DMD: variants seen among roughly 807,000 people sequenced by gnomAD.
DMD encodes the protein dystrophin.
In DMD, 63 loss-of-function variants were observed where a neutral mutation model predicts 330.1. The observed-to-expected ratio is 0.19, with a 90% CI of 0.16 to 0.24. The LOEUF is 0.24. Ranked by LOEUF, DMD falls within the 10% of genes least tolerant of loss-of-function variation. The pLI is 1.00. For synonymous variants in DMD, 1,223 were observed against 959.8 expected (o/e 1.27, Z -5.07); for missense variants, 3,344 against 2,684.1 (o/e 1.25, Z -5.43).
chrX:31,552,096 C>A (rs987025216), intron 55 of DMD, among the ~76,000 whole-genome samples: 5 of 112,311 alleles, frequency 4.5e-5, no homozygotes, highest in African/African-American at 1.6e-4. Context: ...CTGTGAGTTT[C>A]TCAGATTCAA....
chrX:31,571,690 T>C (rs978497197), intron 55 of DMD, among the ~76,000 whole-genome samples: 1 of 111,475 alleles, frequency 9.0e-6, no homozygotes, highest in African/African-American at 3.3e-5. Flanking sequence ...TGTCTGAAAC[T>C]TGGCACTACT....
At chrX:32,787,462 A>G (rs2075481915) in intron 7 of DMD, among the ~76,000 whole-genome samples, 1 of 110,470 alleles carries the variant, frequency 9.1e-6, no homozygotes, top group Non-Finnish European at 1.9e-5. Flanking sequence ...AAGATTTCAA[A>G]TGGGAAATGA....
chrX:32,935,866 A>G (rs1201518082), intron 2 of DMD, among the ~76,000 whole-genome samples: 3 of 111,284 alleles, frequency 2.7e-5, no homozygotes, highest in Non-Finnish European at 3.8e-5. Context: ...TTCCTTTTTC[A>G]TCCTGCCTAT....
chrX:32,793,897 A>C (rs985166407), intron 7 of DMD, among the ~76,000 whole-genome samples: 3 of 111,564 alleles, frequency 2.7e-5, no homozygotes, highest in Non-Finnish European at 5.6e-5. Flanking sequence ...CATTCTATGA[A>C]GCCAGCATTA....
intron 1 of DMD, among the ~76,000 whole-genome samples, chrX:33,240,489 A>G: frequency 8.9e-6 from 1 of 111,767 alleles, no homozygotes; most frequent in Non-Finnish European, 1.9e-5. Flanking sequence ...GGTTGATTCC[A>G]TATCTCAGCA....
At chrX:32,217,128 T>C (rs1043657977) in intron 43 of DMD, 65 bp from the exon 44 acceptor site, 19 of 1,099,728 alleles carry the variant, frequency 1.7e-5, no homozygotes, top group Middle Eastern at 2.8e-4. Context: ...TATAGAGATA[T>C]AGCGTATATT....
At chrX:31,889,216 T>C (rs976085518) in intron 47 of DMD, among the ~76,000 whole-genome samples, 15 of 112,337 alleles carry the variant, frequency 1.3e-4, no homozygotes, top group African/African-American at 2.9e-4. Flanking sequence ...TAAAACCATA[T>C]TGACTTTTCA....
intron 9 of DMD, among the ~76,000 whole-genome samples, chrX:32,647,228 T>C (rs2059839598): frequency 8.9e-6 from 1 of 111,790 alleles, no homozygotes; most frequent in African/African-American, 3.3e-5. Flanking sequence ...AAGTCCTATG[T>C]GCAATGAAGG....
At chrX:32,174,800 A>G (rs1248673468) in intron 44 of DMD, among the ~76,000 whole-genome samples, 3 of 111,093 alleles carry the variant, frequency 2.7e-5, no homozygotes, top group Non-Finnish European at 5.7e-5. Flanking sequence ...AAGCAAGAAC[A>G]GAAGCAGAAG....
intron 13 of DMD, among the ~76,000 whole-genome samples, chrX:32,578,605 G>C (rs909571128): frequency 2.7e-5 from 3 of 111,756 alleles, no homozygotes; most frequent in African/African-American, 9.8e-5. Context: ...GTGAAAAATG[G>C]CTACTAAAAG....
chrX:32,518,159 A>C (rs2046047670), intron 17 of DMD, 28 bp from the exon 18 acceptor site: 1 of 1,181,860 alleles, frequency 8.5e-7, no homozygotes, highest in African/African-American at 1.8e-5. Context: ...AAAAGTCATT[A>C]TTTCTTGATT....
chrX:32,443,828 G>A (rs928205104), intron 27 of DMD, among the ~76,000 whole-genome samples: 2 of 111,503 alleles, frequency 1.8e-5, no homozygotes, highest in African/African-American at 6.5e-5. Context: ...TTGAAGGAAA[G>A]TACAAATAAA....
chrX:32,671,358 T>TAC (rs760162708), intron 9 of DMD, among the ~76,000 whole-genome samples: 10 of 110,911 alleles, frequency 9.0e-5, no homozygotes, highest in Non-Finnish European at 1.3e-4. Context: ...TTTATGTACA[T>TAC]ACACACACAC....
chrX:32,386,527 T>A, intron 32 of DMD, 62 bp from the exon 33 acceptor site: 1 of 1,001,686 alleles, frequency 1.0e-6, no homozygotes, highest in Non-Finnish European at 1.4e-6. Context: ...CATAATATTA[T>A]GAACAGAAAT....
At chrX:31,559,640 C>CAAAAAAAAAAAAAAAAAA (rs1167550498) in intron 55 of DMD, among the ~76,000 whole-genome samples, 1 of 21,638 alleles carries the variant, frequency 4.6e-5, no homozygotes, top group East Asian at 1.5e-3. Context: ...AACTCCGTCT[C>CAAAAAAAAAAAAAAAAAA]AAAAAAAAAA....
chrX:31,309,028 C>A (rs745950139), intron 62 of DMD, among the ~76,000 whole-genome samples: 1 of 112,030 alleles, frequency 8.9e-6, no homozygotes, highest in South Asian at 3.7e-4. Flanking sequence ...CACGCCTGGA[C>A]TGCCATCTAT....
chrX:32,803,253 G>A (rs972818673), intron 7 of DMD, among the ~76,000 whole-genome samples: 4 of 111,292 alleles, frequency 3.6e-5, no homozygotes, highest in South Asian at 7.4e-4. Flanking sequence ...GTTTATTTGC[G>A]TGGAGATGTT....
chrX:33,071,641 T>A (rs2094759123), intron 1 of DMD, among the ~76,000 whole-genome samples: 1 of 110,965 alleles, frequency 9.0e-6, no homozygotes, highest in Non-Finnish European at 1.9e-5. Context: ...TGAAGCCCAA[T>A]CATTGTTGTG....
chrX:32,523,219 G>A (rs1405086278), intron 17 of DMD, among the ~76,000 whole-genome samples: 1 of 110,952 alleles, frequency 9.0e-6, no homozygotes, highest in African/African-American at 3.3e-5. Flanking sequence ...AAAGAACACT[G>A]GAAGGCCTCA....
Sources: gnomAD v4.1 joint callset for allele counts (sites outside exome capture counted in the v4.1 genomes callset) on GRCh38, gnomAD v4.1.1 for gene constraint, MANE v1.5 for transcripts, NCBI Gene and HGNC (gene_info 2026-07-23, HGNC 2026-07-21) for gene names.